The following CSMD1 variants were observed in gnomAD, a reference collection of about 807,000 sequenced individuals.
CSMD1 encodes CUB and sushi domain-containing protein 1.
CSMD1 carries 213 observed loss-of-function variants against 417.5 expected under a neutral mutation model. The observed-to-expected ratio is 0.51, with a 90% CI of 0.46 to 0.57. The LOEUF is 0.57. Ranked by LOEUF, CSMD1 falls within the 20% of genes least tolerant of loss-of-function variation. CSMD1 has a pLI of 0.00. For synonymous variants in CSMD1, 2,862 were observed against 1,736.8 expected (o/e 1.65, Z -16.11); for missense variants, 6,923 against 4,529.7 (o/e 1.53, Z -15.17).
intron 3 of CSMD1, among the ~76,000 whole-genome samples, chr8:4,243,859 A>T (rs1467275377): frequency 6.6e-6 from 1 of 152,168 alleles, no homozygotes; most frequent in Non-Finnish European, 1.5e-5. Flanking sequence ...GGACTGTGTT[A>T]TTGCCTTGAT....
chr8:4,963,397 A>G (rs1463211741), intron 1 of CSMD1, among the ~76,000 whole-genome samples: 2 of 151,978 alleles, frequency 1.3e-5, no homozygotes, highest in East Asian at 3.9e-4. Context: ...ACGAGGTTTC[A>G]CCATGTTGAC....
chr8:4,055,369 T>C (rs1798638788), intron 3 of CSMD1, among the ~76,000 whole-genome samples: 1 of 152,116 alleles, frequency 6.6e-6, no homozygotes, highest in Admixed American at 6.5e-5. Flanking sequence ...TTATTGTAAA[T>C]TTCACAAACT....
Position 3,955,993 on chromosome 8 carries a change from C to T in CSMD1, c.818+41910G>A, listed in dbSNP as rs907585143. On this transcript the variant is annotated intron_variant, in intron 5 of 69. Coordinates refer to ENST00000635120, the MANE Select transcript of CSMD1 (RefSeq NM_033225.6). ...TATTTTTAGTAGAGTCAGGGTTTCA[C>T]CATATTGGCCAGGATGGTCTCGAAC... 2.6e-5 allele frequency among the ~76,000 whole-genome samples: 4 copies of T among 152,156 alleles called. 1 individual carries two copies. Among genetic ancestry groups the T allele is most frequent in the South Asian group, 2.1e-4 (1 of 4,826 alleles).
At chr8:4,924,509 G>C (rs754934492) in intron 1 of CSMD1, among the ~76,000 whole-genome samples, 1 of 152,066 alleles carries the variant, frequency 6.6e-6, no homozygotes, top group South Asian at 2.1e-4. Flanking sequence ...GATCACCTGA[G>C]GTCAGGAGTT....
chr8:3,335,080 A>C (rs943457697), intron 23 of CSMD1, among the ~76,000 whole-genome samples: 2 of 152,208 alleles, frequency 1.3e-5, no homozygotes, highest in African/African-American at 2.4e-5. Flanking sequence ...GCTATGACTC[A>C]TGAAACCGAG....
chr8:4,871,732 G>T (rs1175260022), intron 1 of CSMD1, among the ~76,000 whole-genome samples: 1 of 152,004 alleles, frequency 6.6e-6, no homozygotes, highest in Non-Finnish European at 1.5e-5. Context: ...TAATTTCAGA[G>T]TTCATATTAT....
rs76749104 is a variant in CSMD1, at chr8:3,500,173, G to C, written c.1345-6447C>G. On this transcript the variant is annotated intron_variant, in intron 10 of 69. Coordinates refer to ENST00000635120, the MANE Select transcript of CSMD1 (RefSeq NM_033225.6). ...TGCCATCTTGAGTTTCCATGCCTTAGAGGGTCTTCTTTACTCTGTTGCTTC... is the reference window on the plus strand; with the variant it reads ...TGCCATCTTGAGTTTCCATGCCTTACAGGGTCTTCTTTACTCTGTTGCTTC... 2.4e-3 allele frequency among the ~76,000 whole-genome samples: 365 copies of C among 152,236 alleles called. 1 individual carries two copies. The highest frequency in any genetic ancestry group is 8.5e-3 in the African/African-American group (352 of 41,528).
intron 7 of CSMD1, among the ~76,000 whole-genome samples, chr8:3,617,997 G>C (rs780637136): frequency 6.6e-6 from 1 of 152,052 alleles, no homozygotes; most frequent in Non-Finnish European, 1.5e-5. Flanking sequence ...ATCATATCAA[G>C]TTTAGCTTAG....
intron 1 of CSMD1, among the ~76,000 whole-genome samples, chr8:4,987,536 A>C (rs960278414): frequency 6.6e-6 from 1 of 152,154 alleles, no homozygotes; most frequent in African/African-American, 2.4e-5. Flanking sequence ...AATTTCATTG[A>C]GGTTGAAGCT....
intron 52 of CSMD1, among the ~76,000 whole-genome samples, chr8:3,004,428 T>C (rs1035107473): frequency 6.6e-6 from 1 of 152,194 alleles, no homozygotes; most frequent in Non-Finnish European, 1.5e-5. Context: ...AGAAAGCAAG[T>C]GACCCACTTT....
intron 1 of CSMD1, among the ~76,000 whole-genome samples, chr8:4,689,861 T>C (rs1806652476): frequency 6.6e-6 from 1 of 152,156 alleles, no homozygotes; most frequent in Admixed American, 6.5e-5. Context: ...CATTGTATGT[T>C]TATATGAATG....
intron 46 of CSMD1, among the ~76,000 whole-genome samples, chr8:3,097,246 C>T (rs912792583): frequency 6.6e-6 from 1 of 152,180 alleles, no homozygotes; most frequent in Middle Eastern, 3.2e-3. Flanking sequence ...CAGTTCTCTA[C>T]ACTCAGCCTG....
At chr8:4,290,535 G>T (rs1029822830) in intron 3 of CSMD1, among the ~76,000 whole-genome samples, 2 of 152,092 alleles carry the variant, frequency 1.3e-5, no homozygotes, top group South Asian at 2.1e-4. Flanking sequence ...GAGTTATGGG[G>T]GAAAACAAAG....
At chr8:3,146,545 A>G (rs1450726898) in intron 40 of CSMD1, among the ~76,000 whole-genome samples, 1 of 152,182 alleles carries the variant, frequency 6.6e-6, no homozygotes, top group Non-Finnish European at 1.5e-5. Context: ...AATCATTGGT[A>G]GGACTAAGAT....
chr8:3,751,796 T>C (rs1359077489), intron 6 of CSMD1, among the ~76,000 whole-genome samples: 3 of 152,308 alleles, frequency 2.0e-5, no homozygotes, highest in African/African-American at 4.8e-5. Flanking sequence ...CCAAGTTCAC[T>C]GATCAGGTTT....
intron 2 of CSMD1, among the ~76,000 whole-genome samples, chr8:4,605,245 G>A (rs922761311): frequency 6.6e-6 from 1 of 151,926 alleles, no homozygotes; most frequent in African/African-American, 2.4e-5. Flanking sequence ...AAATACTAAC[G>A]TTAGACCGAT....
At chr8:4,966,680 G>C (rs1228151778) in intron 1 of CSMD1, among the ~76,000 whole-genome samples, 1 of 152,114 alleles carries the variant, frequency 6.6e-6, no homozygotes, top group Non-Finnish European at 1.5e-5. Flanking sequence ...TTATAATTAA[G>C]TTCACTCAAA....
At chr8:4,427,824 C>A (rs1154052) in intron 2 of CSMD1, among the ~76,000 whole-genome samples, 1 of 151,962 alleles carries the variant, frequency 6.6e-6, no homozygotes, top group Admixed American at 6.6e-5. Context: ...GCATGTTTAA[C>A]CTATTGAATA....
chr8:4,489,718 C>A (rs1801602390), intron 2 of CSMD1, among the ~76,000 whole-genome samples: 1 of 152,212 alleles, frequency 6.6e-6, no homozygotes, highest in Admixed American at 6.5e-5. Flanking sequence ...TCCCTGCTCA[C>A]ACCCTGGCTG....
Sources: allele counts gnomAD v4.1 joint callset (sites outside exome capture counted in the v4.1 genomes callset), GRCh38; gene constraint gnomAD v4.1.1; transcripts MANE v1.5; gene names NCBI Gene and HGNC (gene_info 2026-07-23, HGNC 2026-07-21).